Variants in THADA observed in about 807,000 individuals in gnomAD.
THADA encodes tRNA (32-2'-O)-methyltransferase regulator THADA.
Under a neutral mutation model 219.8 loss-of-function variants are expected in THADA, and 213 were observed. That is an observed-to-expected ratio of 0.97 (90% CI 0.87 to 1.09). The LOEUF (loss-of-function observed/expected upper bound fraction) is 1.09, where lower values mean the gene tolerates loss of function less well. THADA is among the 50% of genes least tolerant of loss of function. The pLI is 0.00. For synonymous variants in THADA, 1,018 were observed against 828.9 expected (o/e 1.23, Z -3.92); for missense variants, 2,956 against 2,311.3 (o/e 1.28, Z -5.72).
intron 25 of THADA, among the ~76,000 whole-genome samples, chr2:43,491,358 C>T (rs1011537634): frequency 6.6e-6 from 1 of 151,988 alleles, no homozygotes; most frequent in Non-Finnish European, 1.5e-5. Flanking sequence ...TAGGTTGGTG[C>T]AAAAGTAACC....
chr2:43,248,200 G>GAGAC (rs1669435251), intron 36 of THADA, among the ~76,000 whole-genome samples: 4 of 127,026 alleles, frequency 3.1e-5, no homozygotes, highest in South Asian at 2.7e-4. Context: ...GAGAGAGAGA[G>GAGAC]AGAGAGAGAG....
chr2:43,383,076 A>G (rs1004568864), intron 29 of THADA, among the ~76,000 whole-genome samples: 1 of 152,240 alleles, frequency 6.6e-6, no homozygotes, highest in African/African-American at 2.4e-5. Flanking sequence ...TGGACAACAA[A>G]GAAAGCACCA....
At chr2:43,297,603 G>A (rs1572964654) in intron 31 of THADA, among the ~76,000 whole-genome samples, 1 of 102,596 alleles carries the variant, frequency 9.7e-6, no homozygotes, top group Non-Finnish European at 1.9e-5. Flanking sequence ...AGGTGGGGGG[G>A]TCAGCCCCCC....
intron 22 of THADA, among the ~76,000 whole-genome samples, chr2:43,513,459 A>G (rs1019556472): frequency 3.9e-5 from 6 of 152,358 alleles, no homozygotes; most frequent in African/African-American, 1.4e-4. Context: ...GTGGCAGCCA[A>G]AGAATTTCAG....
chr2:43,261,979 C>T (rs1299858432), intron 36 of THADA, among the ~76,000 whole-genome samples: 1 of 152,122 alleles, frequency 6.6e-6, no homozygotes, highest in Non-Finnish European at 1.5e-5. Context: ...GCCACGTTAG[C>T]AAGGCTGGTC....
chr2:43,410,408 G>C (rs1465943425), intron 28 of THADA, among the ~76,000 whole-genome samples: 1 of 152,144 alleles, frequency 6.6e-6, no homozygotes, highest in Non-Finnish European at 1.5e-5. Flanking sequence ...AGAAATGAAA[G>C]CCTAAGTCCA....
intron 29 of THADA, among the ~76,000 whole-genome samples, chr2:43,371,115 T>C (rs946058699): frequency 2.6e-5 from 4 of 152,206 alleles, no homozygotes; most frequent in African/African-American, 7.2e-5. Flanking sequence ...ATAATTAACA[T>C]AGTAACTTGA....
intron 26 of THADA, among the ~76,000 whole-genome samples, chr2:43,475,543 T>C (rs945493151): frequency 1.3e-5 from 2 of 152,042 alleles, no homozygotes; most frequent in Admixed American, 6.5e-5. Flanking sequence ...TTAGAGTTTA[T>C]ATTAAAAAAC....
chr2:43,284,725 C>A (rs978939960), intron 35 of THADA, among the ~76,000 whole-genome samples: 2 of 152,182 alleles, frequency 1.3e-5, no homozygotes, highest in Admixed American at 1.3e-4. Context: ...AATGGTAGGT[C>A]CACCGACAGC....
At chr2:43,540,768 A>G (rs1695189057) in intron 21 of THADA, among the ~76,000 whole-genome samples, 1 of 152,234 alleles carries the variant, frequency 6.6e-6, no homozygotes, top group Admixed American at 6.5e-5. Flanking sequence ...AGTGGGAAAC[A>G]TGAGATCCAT....
Position 43,577,127 on chromosome 2 carries a change from C to A in THADA, c.932G>T (p.Cys311Phe), listed in dbSNP as rs746894384. The A allele has an allele frequency of 6.2e-7, 1 of 1,612,846 alleles. No individual in the cohort carries two copies. Among genetic ancestry groups the A allele is most frequent in the East Asian group, 2.2e-5 (1 of 44,866 alleles). ...DISQSAVLFL[C>F]QGTLAMLDWQ... is the part of the protein sequence containing the mutation. ...GTCCAACATGGCAAGTGTCCCCTGA[C>A]AGAGGAATAAGACAGCTGACTGAGA... Residue 311 changes from cysteine to phenylalanine, a missense_variant, in exon 10 of 38, where the codon TGT (cysteine) becomes TTT (phenylalanine). Transcript: ENST00000405975.
At chr2:43,380,168 C>T (rs756962427) in intron 29 of THADA, among the ~76,000 whole-genome samples, 20 of 152,082 alleles carry the variant, frequency 1.3e-4, no homozygotes, top group African/African-American at 3.1e-4. Context: ...GTTTAATGTA[C>T]GCAAATGTTT....
At chr2:43,253,742 T>G (rs2104152683) in intron 36 of THADA, among the ~76,000 whole-genome samples, 1 of 152,272 alleles carries the variant, frequency 6.6e-6, no homozygotes, top group South Asian at 2.1e-4. Flanking sequence ...ATAATTATAT[T>G]AAGTACCTAC....
rs1015475147 is a variant in THADA at position 43,581,932 on chromosome 2, T to A, written c.534-4A>T. 27 of 1,527,598 alleles carry A rather than the reference T, an allele frequency of 1.8e-5. No homozygotes were observed. Among genetic ancestry groups the A allele is most frequent in the Non-Finnish European group, 2.4e-5 (27 of 1,144,204 alleles). The allele number at this position is 1,527,598 out of a possible 1,614,324, so 94.6% of individuals were successfully genotyped here. A position where few individuals can be genotyped will look rare whatever the true frequency, so the allele number is the denominator to read the frequency against. On this transcript the variant is annotated splice_region_variant and splice_polypyrimidine_tract_variant and intron_variant, in intron 7 of 37. Coordinates refer to ENST00000405975, the MANE Select transcript of THADA (RefSeq NM_022065.5). ...AATATGATTTCCAGCACATTTTCTA[T>A]AAAGAAGAAAAGACATTATTACAAA...
At chr2:43,433,516 G>A (rs1289881883) in intron 26 of THADA, among the ~76,000 whole-genome samples, 2 of 151,944 alleles carry the variant, frequency 1.3e-5, no homozygotes, top group African/African-American at 4.8e-5. Context: ...GCGACAGAGT[G>A]AGACTCCATC....
At position 43,485,254 on chromosome 2, in the gene THADA, A is replaced by G; in HGVS notation, c.3816T>C (p.Asp1272=). Residue 1272 remains aspartate, a synonymous_variant, in exon 26 of 38, where the codon GAT becomes GAC. Coordinates refer to ENST00000405975, the MANE Select transcript of THADA (RefSeq NM_022065.5). The part of the protein sequence containing the change: ...TRIFGVKRAK[D]EHSKTNRMTG... ...CTTACCTATTTGTTTTGGAATGTTC[A>G]TCCTTTGCCCTTTTAACTCCAAAAA... The G allele has an allele frequency of 6.2e-7, 1 of 1,612,746 alleles. No individual in the cohort carries two copies. Among genetic ancestry groups the G allele is most frequent in the South Asian group, 1.1e-5 (1 of 91,046 alleles).
intron 36 of THADA, among the ~76,000 whole-genome samples, chr2:43,268,729 GAA>G (rs1671807770): frequency 6.6e-6 from 1 of 152,212 alleles, no homozygotes; most frequent in Admixed American, 6.5e-5. Context: ...CTGCCCTGCA[GAA>G]CTTCTCGGGC....
Position 43,428,168 on chromosome 2 carries a change from G to C in THADA, c.3990C>G (p.Leu1330=), listed in dbSNP as rs768463128. ...MFLLLLVLER[L]YASPMDGTSS... is the part of the protein sequence containing the mutation. ...AAGTACCATCCATCGGGGAAGCGTA[G>C]AGTCTCTCCAACACCAAAAGTAAGA... Residue 1330 remains leucine, a synonymous_variant, in exon 28 of 38, where the codon CTC becomes CTG. Coordinates refer to ENST00000405975, the MANE Select transcript of THADA (RefSeq NM_022065.5). 3.1e-6 allele frequency: 5 copies of C among 1,610,016 alleles called. No individual in the cohort carries two copies. Among genetic ancestry groups the C allele is most frequent in the Non-Finnish European group, 1.7e-6 (2 of 1,177,782 alleles).
intron 19 of THADA, among the ~76,000 whole-genome samples, chr2:43,550,999 C>T (rs915216378): frequency 6.6e-6 from 1 of 152,154 alleles, no homozygotes; most frequent in Admixed American, 6.5e-5. Flanking sequence ...AGACTAACAA[C>T]AGGCTAAATA....
Sources: allele counts gnomAD v4.1 joint callset (sites outside exome capture counted in the v4.1 genomes callset), GRCh38; gene constraint gnomAD v4.1.1; transcripts MANE v1.5; gene names NCBI Gene and HGNC (gene_info 2026-07-23, HGNC 2026-07-21).